Variants in RAD52 observed in about 807,000 individuals in gnomAD.
RAD52 encodes DNA repair protein RAD52 homolog.
RAD52 carries 47 observed loss-of-function variants against 55.5 expected under a neutral mutation model. The ratio of observed to expected loss-of-function variants is 0.85; its 90% CI spans 0.67 to 1.08. The LOEUF is 1.08. RAD52 is among the 50% of genes least tolerant of loss of function. The probability of loss-of-function intolerance (pLI) is 0.00; values close to 1 mark genes in which losing one functional copy is unlikely to be tolerated. For missense variants in RAD52, 468 were observed against 522.8 expected (o/e 0.90, Z 1.02); for synonymous variants, 184 against 198.9 (o/e 0.92, Z 0.63).
intron 1 of RAD52, among the ~76,000 whole-genome samples, chr12:955,480 T>TTC (rs1958592638): frequency 6.8e-6 from 1 of 147,180 alleles, no homozygotes; most frequent in South Asian, 2.1e-4. Flanking sequence ...TCTTCTTTCT[T>TTC]TTTTTTTTTT....
intron 1 of RAD52, among the ~76,000 whole-genome samples, chr12:987,117 C>T (rs968309771): frequency 1.3e-5 from 2 of 151,846 alleles, no homozygotes; most frequent in Non-Finnish European, 2.9e-5. Flanking sequence ...ATTACAGGTG[C>T]CCGCCATCAT....
In RAD52 at chr12:981,600, G is replaced by T. The variant is rs377126742; in HGVS notation, c.-19+8209C>A. 3.4e-4 allele frequency among the ~76,000 whole-genome samples: 51 copies of T among 151,806 alleles called. 2 individuals are homozygous for T. In the South Asian group the frequency reaches 9.6e-3, roughly 28 times the overall value. ...GGGTCCCAAGCAAATTCAAAACCTAGTAAGACTTTAGCCAGGCGTGGTGGT... is the reference window on the plus strand; with the variant it reads ...GGGTCCCAAGCAAATTCAAAACCTATTAAGACTTTAGCCAGGCGTGGTGGT... On this transcript the variant is annotated intron_variant, in intron 1 of 11. Transcript: ENST00000430095.
At chr12:965,938 C>T (rs1490620558) in intron 1 of RAD52, among the ~76,000 whole-genome samples, 2 of 151,852 alleles carry the variant, frequency 1.3e-5, no homozygotes, top group Non-Finnish European at 2.9e-5. Context: ...CCCGCCTTGG[C>T]CTCCCAAAGT....
intron 2 of RAD52, 94 bp downstream of exon 2, chr12:932,881 G>A (rs1349984256): frequency 1.2e-6 from 1 of 800,740 alleles, no homozygotes; most frequent in Non-Finnish European, 2.0e-6. Flanking sequence ...ACTAGGTACT[G>A]CTCACACATG....
intron 7 of RAD52, among the ~76,000 whole-genome samples, chr12:919,368 C>T (rs1956585110): frequency 2.6e-5 from 4 of 151,998 alleles, no homozygotes. Flanking sequence ...ATCGCTTGAA[C>T]CCACGAGGCA....
intron 7 of RAD52, 53 bp from the exon 8 acceptor site, chr12:916,873 G>C: frequency 6.4e-7 from 1 of 1,563,372 alleles, no homozygotes. Flanking sequence ...GCCCTCCGCT[G>C]CTTCTCCCTG....
intron 3 of RAD52, among the ~76,000 whole-genome samples, chr12:930,796 G>C (rs1013362701): frequency 6.6e-6 from 1 of 151,850 alleles, no homozygotes; most frequent in Non-Finnish European, 1.5e-5. Flanking sequence ...GCGAGATGTC[G>C]TCTCTACAGA....
chr12:981,160 G>A (rs1450417239), intron 1 of RAD52, among the ~76,000 whole-genome samples: 2 of 150,022 alleles, frequency 1.3e-5, no homozygotes, highest in African/African-American at 2.5e-5. Flanking sequence ...TGAAACCCCC[G>A]TCTCTACCAA....
In RAD52 at chr12:971,860, T is replaced by G. The variant is rs187443323; in HGVS notation, c.-19+17949A>C. ...CCCCCCGGGGTTCACGCCATTCTCCTGCCTCAGCCTCCCGAGTAGCTGGGA... is the reference window on the plus strand; with the variant it reads ...CCCCCCGGGGTTCACGCCATTCTCCGGCCTCAGCCTCCCGAGTAGCTGGGA... On this transcript the variant is annotated intron_variant, in intron 1 of 11. Transcript: ENST00000430095. Among the ~76,000 whole-genome samples the G allele has an allele frequency of 7.4e-3, 1,131 of 152,272 alleles. 13 individuals are homozygous for G. The highest frequency in any genetic ancestry group is 0.025 in the African/African-American group (1,049 of 41,560).
intron 10 of RAD52, 126 bp from the exon 11 acceptor site, chr12:914,247 TC>T: frequency 1.6e-6 from 2 of 1,280,298 alleles, no homozygotes; most frequent in Non-Finnish European, 1.1e-6. Context: ...GGAATTTCTC[TC>T]CCCTCCCCCT....
At chr12:933,145 C>T (rs1957428700) in intron 1 of RAD52, 69 bp from the exon 2 acceptor site, 1 of 1,146,594 alleles carries the variant, frequency 8.7e-7, no homozygotes. Flanking sequence ...GCAAGAGCCT[C>T]TACTGAAAAA....
intron 1 of RAD52, among the ~76,000 whole-genome samples, chr12:941,498 C>T (rs544450035): frequency 7.9e-4 from 120 of 151,634 alleles, no homozygotes; most frequent in African/African-American, 2.1e-3. Context: ...TTGTATTTTT[C>T]GTAGAGACAG....
At chr12:943,853 T>G (rs1401362356) in intron 1 of RAD52, among the ~76,000 whole-genome samples, 1 of 150,846 alleles carries the variant, frequency 6.6e-6, no homozygotes, top group Non-Finnish European at 1.5e-5. Context: ...TTGCACACAC[T>G]CAGGTCATGA....
exon 1 of RAD52, chr12:989,819 T>TG (rs1225224973): frequency 2.0e-5 from 3 of 152,202 alleles, no homozygotes; most frequent in Non-Finnish European, 4.4e-5. Context: ...CTTACCACAC[T>TG]GCTAGGGAGT....
intron 1 of RAD52, among the ~76,000 whole-genome samples, chr12:987,830 G>C (rs926539242): frequency 6.6e-6 from 1 of 151,958 alleles, no homozygotes; most frequent in Non-Finnish European, 1.5e-5. Flanking sequence ...CTAAAGTGTT[G>C]GGATTATAGG....
At chr12:991,063 G>C (rs1445219685), upstream of RAD52, 1 of 151,662 alleles carries the variant, frequency 6.6e-6, no homozygotes, top group Non-Finnish European at 1.5e-5. Context: ...GCGTGCCCCG[G>C]AAGGCGCCCG....
At chr12:931,417 A>C in intron 2 of RAD52, 96 bp from the exon 3 acceptor site, 2 of 843,532 alleles carry the variant, frequency 2.4e-6, no homozygotes, top group Non-Finnish European at 3.5e-6. Flanking sequence ...TCTTAAAAAG[A>C]CCCCCCAGAA....
At chr12:930,342 G>T (rs529420312) in intron 3 of RAD52, among the ~76,000 whole-genome samples, 198 bp from the exon 4 acceptor site, 42 of 151,378 alleles carry the variant, frequency 2.8e-4, no homozygotes, top group Non-Finnish European at 5.2e-4. Flanking sequence ...TCGTGCCACT[G>T]CACTCCAGCC....
At chr12:914,215 T>G (rs1458977656) in intron 10 of RAD52, 94 bp from the exon 11 acceptor site, 1 of 1,325,812 alleles carries the variant, frequency 7.5e-7, no homozygotes, top group Non-Finnish European at 1.0e-6. Context: ...TTCCATGTCT[T>G]CAGTACCTTC....
Sources: gnomAD v4.1 joint callset for allele counts (sites outside exome capture counted in the v4.1 genomes callset) on GRCh38, gnomAD v4.1.1 for gene constraint, MANE v1.5 for transcripts, NCBI Gene and HGNC (gene_info 2026-07-23, HGNC 2026-07-21) for gene names.